Variants in AK5 observed in about 807,000 individuals in gnomAD.
The protein encoded by AK5 is adenylate kinase 5, also known as adenylate kinase isoenzyme 5.
Under a neutral mutation model 69.5 loss-of-function variants are expected in AK5, and 27 were observed. That is an observed-to-expected ratio of 0.39 (90% CI 0.29 to 0.54). AK5 has a LOEUF of 0.54. Among genes scored for constraint, AK5 ranks in the 20% least tolerant of loss-of-function variants. The pLI is 0.71. For missense variants in AK5, 531 were observed against 700.4 expected, an observed-to-expected ratio of 0.76 and a Z score of 2.73; for synonymous variants, 260 against 244.4, an observed-to-expected ratio of 1.06 and a Z score of -0.60.
At chr1:77,382,039 T>C (rs1335425502) in intron 6 of AK5, among the ~76,000 whole-genome samples, 1 of 152,164 alleles carries the variant, frequency 6.6e-6, no homozygotes, top group Admixed American at 6.5e-5. Flanking sequence ...CTGCATTGCC[T>C]GGAGATCTCG....
At chr1:77,422,484 T>G (rs1201914339) in intron 8 of AK5, among the ~76,000 whole-genome samples, 3 of 152,176 alleles carry the variant, frequency 2.0e-5, no homozygotes, top group Non-Finnish European at 2.9e-5. Context: ...CAAAACACAC[T>G]GACTGCTCCA....
intron 8 of AK5, among the ~76,000 whole-genome samples, chr1:77,469,470 A>G (rs1654332731): frequency 6.6e-6 from 1 of 152,216 alleles, no homozygotes; most frequent in Non-Finnish European, 1.5e-5. Context: ...CTTGCCCAAC[A>G]GTTTCCAGCC....
intron 9 of AK5, among the ~76,000 whole-genome samples, chr1:77,485,804 A>G (rs1655551134): frequency 6.6e-6 from 1 of 152,192 alleles, no homozygotes; most frequent in Non-Finnish European, 1.5e-5. Flanking sequence ...ATAAAAATAC[A>G]TTACCGGGGT....
At chr1:77,504,270 A>G (rs944461084) in intron 10 of AK5, among the ~76,000 whole-genome samples, 28 of 152,318 alleles carry the variant, frequency 1.8e-4, no homozygotes, top group Non-Finnish European at 2.9e-5. Context: ...CAGATTGGCG[A>G]GAACATTTTT....
intron 5 of AK5, among the ~76,000 whole-genome samples, chr1:77,320,674 G>A (rs776928849): frequency 1.3e-5 from 2 of 152,118 alleles, no homozygotes; most frequent in Admixed American, 1.3e-4. Flanking sequence ...GCTTGAATCC[G>A]AGAAGCAGAG....
rs190167446 is a variant in AK5 at position 77,371,792 on chromosome 1, A to G, written c.891+31224A>G. On this transcript the variant is annotated intron_variant, in intron 6 of 13. Transcript: ENST00000354567. ...CTATTCCATAGATAGTATGCAGACT[A>G]AAGAATAATGGAGGGAAAAGAAATT... is the stretch of plus-strand genomic sequence containing the variant. 1.6e-3 allele frequency among the ~76,000 whole-genome samples: 238 copies of G among 152,360 alleles called. 1 individual carries two copies. Among genetic ancestry groups the G allele is most frequent in the African/African-American group, 5.5e-3 (229 of 41,586 alleles).
Position 77,558,759 on chromosome 1 carries a change from G to A in AK5, c.*89G>A. The A allele has an allele frequency of 2.1e-6, 2 of 941,596 alleles. No homozygotes were observed. Among genetic ancestry groups the A allele is most frequent in the Non-Finnish European group, 3.4e-6 (2 of 587,078 alleles). 58.3% of individuals were successfully genotyped at this position (941,596 alleles called of 1,614,324 possible). The stretch of plus-strand genomic sequence containing the variant: ...CAATGTTTCAAGTTAAACCTTTTGT[G>A]TCACCGCCCCCACCAACCACCACCT... On this transcript the variant is annotated 3_prime_UTR_variant, in exon 14 of 14. Coordinates refer to ENST00000354567, the MANE Select transcript of AK5 (RefSeq NM_174858.3).
intron 7 of AK5, among the ~76,000 whole-genome samples, chr1:77,413,363 G>A (rs980340637): frequency 1.3e-5 from 2 of 152,114 alleles, no homozygotes; most frequent in East Asian, 3.9e-4. Context: ...GAGTAAACGT[G>A]GTGATTTTCT....
chr1:77,530,312 A>G (rs923066910), intron 12 of AK5, among the ~76,000 whole-genome samples: 1 of 152,220 alleles, frequency 6.6e-6, no homozygotes, highest in South Asian at 2.1e-4. Flanking sequence ...TAGTATTACT[A>G]TCATTAGGGT....
intron 2 of AK5, 57 bp from the exon 3 acceptor site, chr1:77,293,736 G>T: frequency 7.0e-7 from 1 of 1,428,070 alleles, no homozygotes; most frequent in Non-Finnish European, 9.5e-7. Flanking sequence ...GTTTAAGTGT[G>T]AAGAGTGTTT....
At chr1:77,461,727 G>A (rs1046719805) in intron 8 of AK5, among the ~76,000 whole-genome samples, 2 of 149,808 alleles carry the variant, frequency 1.3e-5, no homozygotes, top group Non-Finnish European at 3.0e-5. Context: ...CAGAGATCGC[G>A]CCATTCCACT....
chr1:77,536,078 C>CT, intron 13 of AK5, 40 bp downstream of exon 13: 1 of 1,517,972 alleles, frequency 6.6e-7, no homozygotes, highest in Non-Finnish European at 8.8e-7. Flanking sequence ...GAGCCGCTTA[C>CT]CTTTTTTTTT....
chr1:77,321,332 C>T lies in AK5; in HGVS notation c.700-19045C>T, dbSNP rs182991847. Among the ~76,000 whole-genome samples, 341 of 151,998 alleles carry T rather than the reference C, an allele frequency of 2.2e-3. 2 individuals are homozygous for T. The highest frequency in any genetic ancestry group is 6.8e-3 in the Middle Eastern group (2 of 294). On this transcript the variant is annotated intron_variant, in intron 5 of 13. Transcript: ENST00000354567. ...ACTAAAAATACAAAACAGCCAGGTG[C>T]GGTGGTGCCGCCTGTAGTCCCAGCT...
intron 6 of AK5, among the ~76,000 whole-genome samples, chr1:77,376,866 G>A (rs1205155898): frequency 6.6e-6 from 1 of 152,144 alleles, no homozygotes; most frequent in Non-Finnish European, 1.5e-5. Flanking sequence ...AGGCTGCAGT[G>A]AGCCAAGATG....
chr1:77,515,638 C>T (rs1000997252), intron 10 of AK5, among the ~76,000 whole-genome samples: 1 of 152,116 alleles, frequency 6.6e-6, no homozygotes, highest in Admixed American at 6.5e-5. Context: ...AGGGAGCACC[C>T]GGCGCTGTTT....
chr1:77,442,852 C>T (rs549458460), intron 8 of AK5, among the ~76,000 whole-genome samples: 21 of 152,236 alleles, frequency 1.4e-4, no homozygotes, highest in African/African-American at 4.3e-4. Context: ...AATTGCTTGG[C>T]AGATGTCCTC....
chr1:77,527,239 C>T (rs1320203631), intron 12 of AK5, among the ~76,000 whole-genome samples: 1 of 152,098 alleles, frequency 6.6e-6, no homozygotes, highest in Non-Finnish European at 1.5e-5. Context: ...TTAATCACAC[C>T]TCATACAAGC....
Position 77,311,820 on chromosome 1 carries a change from G to A in AK5, c.699+13873G>A, listed in dbSNP as rs567895070. Among the ~76,000 whole-genome samples, 4 of 152,232 alleles carry A rather than the reference G, an allele frequency of 2.6e-5. No homozygotes were observed. In the South Asian group the frequency reaches 8.3e-4, roughly 32 times the overall value. The stretch of plus-strand genomic sequence containing the variant: ...GTTAAAGGCTGCCCAGAACAGTTCT[G>A]ATTTTGTTCTGTTCTGAGGTTCCAT... On this transcript the variant is annotated intron_variant, in intron 5 of 13. Coordinates refer to ENST00000354567, the MANE Select transcript of AK5 (RefSeq NM_174858.3).
chr1:77,557,659 C>T (rs1443917527), intron 13 of AK5, among the ~76,000 whole-genome samples: 1 of 151,940 alleles, frequency 6.6e-6, no homozygotes, highest in Non-Finnish European at 1.5e-5. Flanking sequence ...CATCTCTCTC[C>T]CTCATCCCTC....
Sources: gnomAD v4.1 joint callset for allele counts (sites outside exome capture counted in the v4.1 genomes callset) on GRCh38, gnomAD v4.1.1 for gene constraint, MANE v1.5 for transcripts, NCBI Gene and HGNC (gene_info 2026-07-23, HGNC 2026-07-21) for gene names.